The following WWOX variants were observed in gnomAD, a reference collection of about 807,000 sequenced individuals.
The protein encoded by WWOX is WW domain-containing oxidoreductase.
In WWOX, 69 loss-of-function variants were observed where a neutral mutation model predicts 46.2. The observed-to-expected ratio is 1.49, with a 90% CI of 1.23 to 1.82. The LOEUF (loss-of-function observed/expected upper bound fraction) is 1.82. Among genes scored for constraint, WWOX ranks in the 40% most tolerant of loss-of-function variants. The pLI, the probability that WWOX is intolerant of heterozygous loss-of-function variation, is 0.00. For synonymous variants in WWOX, 359 were observed against 202.6 expected (o/e 1.77, Z -6.56); for missense variants, 919 against 542.6 (o/e 1.69, Z -6.89).
intron 8 of WWOX, among the ~76,000 whole-genome samples, chr16:79,112,415 A>C (rs1284068248): frequency 6.6e-6 from 1 of 152,160 alleles, no homozygotes; most frequent in Non-Finnish European, 1.5e-5. Context: ...CTGGACCAAG[A>C]ACTGTTGCCA....
In WWOX at chr16:78,454,421, T is replaced by A. The variant is rs140468311; in HGVS notation, c.1056+21669T>A. 2.6e-5 allele frequency among the ~76,000 whole-genome samples: 4 copies of A among 152,238 alleles called. No individual in the cohort carries two copies. The East Asian group carries it at 5.8e-4, about 22-fold the overall frequency. ...TGTGTATTTGTCTGAAATAAAAGTT[T>A]TACAAAATGATACTTTTATCTGAGC... On this transcript the variant is annotated intron_variant, in intron 8 of 8. Transcript: ENST00000566780.
chr16:78,524,865 C>CTTTT (rs370620034), intron 8 of WWOX, among the ~76,000 whole-genome samples: 58 of 48,504 alleles, frequency 1.2e-3, no homozygotes, highest in African/African-American at 1.5e-3. Flanking sequence ...GTTTTTCTTT[C>CTTTT]TTTTTTTTTT....
chr16:78,643,876 G>C (rs969846870), intron 8 of WWOX, among the ~76,000 whole-genome samples: 28 of 149,460 alleles, frequency 1.9e-4, no homozygotes, highest in African/African-American at 6.9e-4. Context: ...GCCATAATTA[G>C]TAACCTGCAG....
intron 8 of WWOX, among the ~76,000 whole-genome samples, chr16:79,143,502 G>A (rs758513077): frequency 1.3e-4 from 20 of 152,032 alleles, no homozygotes; most frequent in Non-Finnish European, 2.8e-4. Context: ...TACTAGCTAG[G>A]ACAAACCATT....
chr16:78,748,086 ACT>A (rs2049391733), intron 8 of WWOX, among the ~76,000 whole-genome samples: 1 of 150,940 alleles, frequency 6.6e-6, no homozygotes, highest in South Asian at 2.1e-4. Context: ...TTTTTCACAG[ACT>A]CTGCTCTTTC....
intron 8 of WWOX, among the ~76,000 whole-genome samples, chr16:78,730,749 C>G (rs56786392): frequency 0.02 from 3,064 of 151,686 alleles, 98 homozygotes; most frequent in African/African-American, 0.071. Context: ...TATAAACCAC[C>G]AACCCAGCCT....
intron 8 of WWOX, among the ~76,000 whole-genome samples, chr16:79,199,587 A>G (rs2051307140): frequency 2.0e-5 from 3 of 152,294 alleles, no homozygotes; most frequent in Admixed American, 2.0e-4. Flanking sequence ...TAGTAACTTC[A>G]TAGGGCTCTT....
intron 8 of WWOX, among the ~76,000 whole-genome samples, chr16:79,000,835 T>A (rs1026915305): frequency 6.6e-6 from 1 of 152,174 alleles, no homozygotes; most frequent in African/African-American, 2.4e-5. Flanking sequence ...CCATTGACTC[T>A]CAGAGGACCC....
intron 8 of WWOX, among the ~76,000 whole-genome samples, chr16:78,838,718 C>T (rs1191911963): frequency 6.6e-6 from 1 of 152,128 alleles, no homozygotes; most frequent in Non-Finnish European, 1.5e-5. Context: ...TAGCACACAC[C>T]TGTAATCCCA....
intron 8 of WWOX, among the ~76,000 whole-genome samples, chr16:79,075,639 G>A (rs1029339462): frequency 2.0e-5 from 3 of 151,292 alleles, no homozygotes; most frequent in Admixed American, 6.6e-5. Flanking sequence ...TGCACCCTCC[G>A]CCTTCTGGGA....
intron 8 of WWOX, among the ~76,000 whole-genome samples, chr16:78,988,304 A>G (rs926243133): frequency 6.6e-6 from 1 of 151,396 alleles, no homozygotes; most frequent in Non-Finnish European, 1.5e-5. Context: ...AGATCACGCT[A>G]TTGCACTCCA....
chr16:78,555,310 T>C (rs574961090), intron 8 of WWOX, among the ~76,000 whole-genome samples: 1 of 152,298 alleles, frequency 6.6e-6, no homozygotes, highest in Non-Finnish European at 1.5e-5. Context: ...AAAGGTACTC[T>C]TTTTTATTCT....
intron 8 of WWOX, among the ~76,000 whole-genome samples, chr16:78,703,204 G>A (rs976295864): frequency 2.7e-5 from 4 of 149,986 alleles, no homozygotes; most frequent in African/African-American, 1.0e-4. Context: ...TTCCTGACAA[G>A]AGTCTGTCTC....
At chr16:78,447,689 C>G (rs915804669) in intron 8 of WWOX, among the ~76,000 whole-genome samples, 1 of 152,178 alleles carries the variant, frequency 6.6e-6, no homozygotes, top group African/African-American at 2.4e-5. Flanking sequence ...TGCAGGATTC[C>G]ATTTCACAAA....
At chr16:78,204,767 A>G (rs1185372738) in intron 5 of WWOX, among the ~76,000 whole-genome samples, 3 of 152,176 alleles carry the variant, frequency 2.0e-5, no homozygotes, top group African/African-American at 4.8e-5. Context: ...GATGAGAAAT[A>G]TGAGGGGAGG....
At chr16:78,472,654 C>T (rs749339447) in intron 8 of WWOX, among the ~76,000 whole-genome samples, 1 of 151,494 alleles carries the variant, frequency 6.6e-6, no homozygotes, top group Non-Finnish European at 1.5e-5. Context: ...ACTGAAAATA[C>T]AAAAATTAGC....
At chr16:79,207,019 T>C (rs1238787125) in intron 8 of WWOX, among the ~76,000 whole-genome samples, 1 of 152,180 alleles carries the variant, frequency 6.6e-6, no homozygotes, top group African/African-American at 2.4e-5. Flanking sequence ...CACCGAGGTA[T>C]CTGGAGATGA....
At chr16:79,159,098 CT>C (rs2050436441) in intron 8 of WWOX, among the ~76,000 whole-genome samples, 1 of 152,164 alleles carries the variant, frequency 6.6e-6, no homozygotes, top group Non-Finnish European at 1.5e-5. Flanking sequence ...CTTGGTGTTT[CT>C]TTAATTTCAT....
At chr16:79,111,677 C>A (rs1386183028) in intron 8 of WWOX, among the ~76,000 whole-genome samples, 2 of 152,264 alleles carry the variant, frequency 1.3e-5, no homozygotes, top group East Asian at 1.9e-4. Flanking sequence ...GGAGGCAAAT[C>A]AGCATGGGTA....
Sources: allele counts gnomAD v4.1 joint callset (sites outside exome capture counted in the v4.1 genomes callset), GRCh38; gene constraint gnomAD v4.1.1; transcripts MANE v1.5; gene names NCBI Gene and HGNC (gene_info 2026-07-23, HGNC 2026-07-21).